The following AAMDC variants were observed in gnomAD, a reference collection of about 807,000 sequenced individuals.
The protein encoded by AAMDC is mth938 domain-containing protein.
In AAMDC, 16 loss-of-function variants were observed where a neutral mutation model predicts 15.5. The ratio of observed to expected loss-of-function variants is 1.03; its 90% CI spans 0.70 to 1.57. AAMDC has a LOEUF of 1.57. Ranked by LOEUF, AAMDC falls within the 40% of genes most tolerant of loss-of-function variation. The pLI, the probability that AAMDC is intolerant of heterozygous loss-of-function variation, is 0.00. For synonymous variants in AAMDC, 51 were observed against 51.6 expected (o/e 0.99, Z 0.05); for missense variants, 141 against 144.9 (o/e 0.97, Z 0.14).
intron 5 of AAMDC, among the ~76,000 whole-genome samples, chr11:77,893,847 T>G (rs1457452805): frequency 6.6e-6 from 1 of 151,848 alleles, no homozygotes; most frequent in African/African-American, 2.4e-5. Flanking sequence ...GAGCCAAGAC[T>G]GCACCACTGT....
At position 77,899,167 on chromosome 11, in the gene AAMDC, G is replaced by A. The variant is rs142565336; in HGVS notation, c.329-1404G>A. Among the ~76,000 whole-genome samples the A allele has an allele frequency of 2.6e-4, 40 of 152,260 alleles. 1 individual carries two copies. In the East Asian group the frequency reaches 7.3e-3, roughly 28 times the overall value. ...GAGGCCAAGAATTGTTAAGTAACTT[G>A]TCCAAGGGTTACTCAGTTTGCAAAT... On this transcript the variant is annotated intron_variant, in intron 5 of 5. Transcript: ENST00000304716.
At chr11:77,834,441 G>GTTTTTTT (rs11438814) in intron 1 of AAMDC, among the ~76,000 whole-genome samples, 291 of 105,366 alleles carry the variant, frequency 2.8e-3, no homozygotes, top group East Asian at 3.5e-3. Context: ...AGTTGATTTT[G>GTTTTTTT]TTTTTTTTTT....
chr11:77,828,373 G>C (rs1340930753), intron 1 of AAMDC, among the ~76,000 whole-genome samples: 1 of 151,830 alleles, frequency 6.6e-6, no homozygotes, highest in Non-Finnish European at 1.5e-5. Flanking sequence ...AGAAATACAA[G>C]AATGAAAATT....
At chr11:77,851,188 C>T (rs531165176) in intron 2 of AAMDC, among the ~76,000 whole-genome samples, 22 of 152,156 alleles carry the variant, frequency 1.4e-4, no homozygotes, top group Admixed American at 2.0e-4. Flanking sequence ...CTCCTGACCT[C>T]GTGATCCACC....
At chr11:77,898,827 A>T (rs1304615370) in intron 5 of AAMDC, among the ~76,000 whole-genome samples, 1 of 152,068 alleles carries the variant, frequency 6.6e-6, no homozygotes, top group East Asian at 1.9e-4. Flanking sequence ...TGAGACCAGC[A>T]TGGCCAACAT....
intron 5 of AAMDC, chr11:77,884,038 A>T (rs1010058233): frequency 7.2e-7 from 1 of 1,381,370 alleles, no homozygotes; most frequent in Non-Finnish European, 1.0e-6. Flanking sequence ...GAACCTCAAA[A>T]CACAAGAAGA....
intron 2 of AAMDC, among the ~76,000 whole-genome samples, chr11:77,863,962 T>G (rs1303130999): frequency 3.3e-5 from 5 of 151,864 alleles, no homozygotes; most frequent in Non-Finnish European, 7.4e-5. Flanking sequence ...GTTTCACTCT[T>G]TTCGCCCAGG....
At chr11:77,884,807 T>C (rs1227157898) in intron 5 of AAMDC, 1 of 408,368 alleles carries the variant, frequency 2.4e-6, no homozygotes. Flanking sequence ...CAGGCTGGAG[T>C]GCAGTGGCAC....
chr11:77,872,239 A>G lies in AAMDC; in HGVS notation c.293A>G (p.Glu98Gly). The change falls in exon 4 of 4, where the codon GAG becomes GGG. Residue 98 changes from glutamate to glycine, a missense_variant. Glu to Gly is a moderately conservative substitution (Grantham distance 98, BLOSUM62 -2). Coordinates refer to ENST00000393427, the MANE Select transcript of AAMDC (RefSeq NM_024684.4). ...ATTGATGTGCGGGTCCTCCAGACAG[A>G]GCAGGCAGTGAAGGAGTATAATGCC... is the stretch of plus-strand genomic sequence containing the variant. ...HGIDVRVLQT[E>G]QAVKEYNALV... 1 of 1,613,912 alleles carries G rather than the reference A, an allele frequency of 6.2e-7. No homozygotes were observed. Among genetic ancestry groups the G allele is most frequent in the Non-Finnish European group, 8.5e-7 (1 of 1,179,926 alleles).
At chr11:77,829,201 TTCACA>T (rs112557157) in intron 1 of AAMDC, among the ~76,000 whole-genome samples, 60,649 of 151,572 alleles carry the variant, frequency 0.4, 12,691 homozygotes, top group African/African-American at 0.52. Flanking sequence ...GCTCTTTCTC[TTCACA>T]TGCATATGCC....
At chr11:77,868,165 C>T (rs1951209247) in intron 2 of AAMDC, among the ~76,000 whole-genome samples, 1 of 150,868 alleles carries the variant, frequency 6.6e-6, no homozygotes, top group African/African-American at 2.4e-5. Context: ...ACGCCATTCT[C>T]CTGCCTCAGC....
chr11:77,891,391 C>A, intron 5 of AAMDC: 1 of 1,612,880 alleles, frequency 6.2e-7, no homozygotes, highest in East Asian at 2.2e-5. Context: ...CAACCACCAA[C>A]CCAGAGGTAA....
chr11:77,842,574 C>T lies in AAMDC; in HGVS notation c.78C>T (p.Cys26=), dbSNP rs752477296. The T allele has an allele frequency of 6.2e-7, 1 of 1,613,994 alleles. No individual in the cohort carries two copies. Among genetic ancestry groups the T allele is most frequent in the South Asian group, 1.1e-5 (1 of 91,054 alleles). The change falls in exon 2 of 4, where the codon TGC becomes TGT. Residue 26 remains cysteine, a synonymous_variant. Coordinates refer to ENST00000393427, the MANE Select transcript of AAMDC (RefSeq NM_024684.4). ...GCTCTAATACAACCTATAAGGACTG[C>T]AAAGTATGGCCAGGGGGTAGTCGGA... The part of the protein sequence containing the change: ...VKGSNTTYKD[C]KVWPGGSRTW...
chr11:77,861,057 C>G (rs187520767), intron 2 of AAMDC, among the ~76,000 whole-genome samples: 1 of 152,016 alleles, frequency 6.6e-6, no homozygotes, highest in Non-Finnish European at 1.5e-5. Context: ...GCCTTTGGTA[C>G]GGAAAGGAGG....
intron 1 of AAMDC, among the ~76,000 whole-genome samples, chr11:77,834,323 A>G (rs1421139805): frequency 6.6e-6 from 1 of 152,208 alleles, no homozygotes; most frequent in African/African-American, 2.4e-5. Context: ...TTTCTACAGA[A>G]GTAAACACAT....
At chr11:77,857,154 A>G (rs1950655223) in intron 2 of AAMDC, among the ~76,000 whole-genome samples, 1 of 152,234 alleles carries the variant, frequency 6.6e-6, no homozygotes, top group Non-Finnish European at 1.5e-5. Context: ...GAAGCTCTAT[A>G]GAGTAATTAA....
rs373574054 is a variant in AAMDC at position 77,850,359 on chromosome 11, C to A, written c.132+7731C>A. 6.6e-5 allele frequency among the ~76,000 whole-genome samples: 10 copies of A among 152,188 alleles called. No homozygotes were observed. In the East Asian group the frequency reaches 1.9e-3, roughly 29 times the overall value. On this transcript the variant is annotated intron_variant, in intron 2 of 3. Transcript: ENST00000393427. ...GTCACATAACTAATAATTTTTGGAACCAAAATTTGAGCATAAGTTGTTCTT... is the reference window on the plus strand; with the variant it reads ...GTCACATAACTAATAATTTTTGGAAACAAAATTTGAGCATAAGTTGTTCTT...
chr11:77,881,970 G>A (rs1404246098), intron 5 of AAMDC, among the ~76,000 whole-genome samples: 1 of 151,244 alleles, frequency 6.6e-6, no homozygotes, highest in Non-Finnish European at 1.5e-5. Context: ...GGAGTGTAGT[G>A]GCATGATCAG....
intron 5 of AAMDC, among the ~76,000 whole-genome samples, chr11:77,885,729 G>A (rs761562657): frequency 5.3e-5 from 8 of 152,050 alleles, no homozygotes; most frequent in Non-Finnish European, 7.4e-5. Flanking sequence ...TGAAGCAGGA[G>A]AATCACTTGA....
Sources: gnomAD v4.1 joint callset for allele counts (sites outside exome capture counted in the v4.1 genomes callset) on GRCh38, gnomAD v4.1.1 for gene constraint, MANE v1.5 for transcripts, NCBI Gene and HGNC (gene_info 2026-07-23, HGNC 2026-07-21) for gene names.